The following SDR16C5 variants were observed in gnomAD, a reference collection of about 807,000 sequenced individuals.
The protein encoded by SDR16C5 is short chain dehydrogenase/reductase family 16C member 5.
A neutral mutation model predicts 27.7 loss-of-function variants in SDR16C5; 20 were observed. The ratio of observed to expected loss-of-function variants is 0.72; its 90% CI spans 0.51 to 1.05. SDR16C5 has a LOEUF of 1.05. SDR16C5 is among the 50% of genes least tolerant of loss of function. The pLI is 0.00. For missense variants in SDR16C5, 374 were observed against 366.3 expected (o/e 1.02, Z -0.17); for synonymous variants, 139 against 132.3 (o/e 1.05, Z -0.35).
intron 4 of SDR16C5, among the ~76,000 whole-genome samples, chr8:56,308,385 G>T (rs973569885): frequency 6.6e-6 from 1 of 152,194 alleles, no homozygotes; most frequent in Non-Finnish European, 1.5e-5. Context: ...GGGTCTTGAA[G>T]GATCTCTTTG....
At chr8:56,304,003 T>C in intron 6 of SDR16C5, 1 of 703,012 alleles carries the variant, frequency 1.4e-6, no homozygotes, top group East Asian at 2.7e-5. Context: ...AGCCTGAATT[T>C]CGAATTGCTT....
chr8:56,305,627 T>G lies in SDR16C5; in HGVS notation c.806A>C (p.Lys269Thr), dbSNP rs1327951738. The G allele has an allele frequency of 1.3e-6, 2 of 1,594,106 alleles. No individual in the cohort carries two copies. Among genetic ancestry groups the G allele is most frequent in the African/African-American group, 2.7e-5 (2 of 73,836 alleles). The change falls in exon 6 of 7, where the codon AAG (lysine) becomes ACG (threonine). Residue 269 changes from lysine to threonine, a missense_variant. Lys to Thr is a moderately conservative substitution (Grantham distance 78). Coordinates refer to ENST00000303749, the MANE Select transcript of SDR16C5 (RefSeq NM_138969.4). ...AAGAAACATCATGAAGTATAACAAC[T>G]TTGGCATATACAAGTACATTTTTTC... Reference protein sequence around the residue: ...LQEKMYLYMPKLLYFMMFLKS... With the variant: ...LQEKMYLYMPTLLYFMMFLKS...
chr8:56,315,820 A>G (rs1433224391), intron 2 of SDR16C5, among the ~76,000 whole-genome samples, 195 bp downstream of exon 2: 1 of 152,166 alleles, frequency 6.6e-6, no homozygotes, highest in Non-Finnish European at 1.5e-5. Context: ...TTTACTTTAT[A>G]AGGTTATAAT....
intron 6 of SDR16C5, among the ~76,000 whole-genome samples, chr8:56,302,936 C>CA (rs1338312935): frequency 6.6e-6 from 1 of 151,348 alleles, no homozygotes; most frequent in Non-Finnish European, 1.5e-5. Flanking sequence ...GGGCTATGAT[C>CA]AAGCCACTGC....
rs1242643601 is a variant in SDR16C5, at chr8:56,307,116, C to A, written c.566-296G>T. Among the ~76,000 whole-genome samples the A allele has an allele frequency of 2.0e-5, 3 of 152,232 alleles. No homozygotes were observed. The East Asian group carries it at 5.8e-4, about 29-fold the overall frequency. On this transcript the variant is annotated intron_variant, in intron 4 of 6. Transcript: ENST00000303749. ...ACTTACAAGTAAATGCATTGTGAGC[C>A]CCTGTGCTAGTTCTTACATGGTGCC...
intron 4 of SDR16C5, among the ~76,000 whole-genome samples, chr8:56,308,569 C>T (rs1371102228): frequency 6.6e-6 from 1 of 152,216 alleles, no homozygotes; most frequent in Admixed American, 6.5e-5. Flanking sequence ...TTAAAGGAAA[C>T]TTCAGGAGAA....
Position 56,316,244 on chromosome 8 carries a change from C to T in SDR16C5, c.104G>A (p.Arg35Gln), listed in dbSNP as rs772872361. The change falls in exon 2 of 7, where the codon CGG becomes CAG. Residue 35 changes from arginine to glutamine, a missense_variant. Arg to Gln is a conservative substitution (Grantham distance 43). Transcript: ENST00000303749. ...AMIFALLPKP[R>Q]KNVAGEIVLI... ...GACTATTTCACCAGCAACGTTCTTC[C>T]GTGGCTTTGGGAGTAAGGCAAAAAT... 2.5e-5 allele frequency: 40 copies of T among 1,614,018 alleles called. No individual in the cohort carries two copies. The highest frequency in any genetic ancestry group is 1.7e-4 in the Middle Eastern group (1 of 6,060).
At chr8:56,317,664 G>A (rs1264749667) in intron 1 of SDR16C5, among the ~76,000 whole-genome samples, 1 of 152,246 alleles carries the variant, frequency 6.6e-6, no homozygotes, top group East Asian at 1.9e-4. Flanking sequence ...TCATCTACAG[G>A]AGGACTTGGT....
rs199932397 is a variant in SDR16C5 at position 56,312,243 on chromosome 8, C to T, written c.379G>A (p.Gly127Arg). ...GDVSILINNA[G>R]IVTGKKFLDC... ...AGGAACTTTTTGCCTGTTACGATTC[C>T]GGCATTGTTGATTAGGATGGAAACA... Residue 127 changes from glycine (G) to arginine (R), a missense_variant, in exon 3 of 7, where the codon GGA (glycine) becomes AGA (arginine). Coordinates refer to ENST00000303749, the MANE Select transcript of SDR16C5 (RefSeq NM_138969.4). The T allele has an allele frequency of 4.8e-4, 769 of 1,613,098 alleles. No homozygotes were observed. Among genetic ancestry groups the T allele is most frequent in the Non-Finnish European group, 5.9e-4 (697 of 1,179,198 alleles).
chr8:56,318,882 G>C (rs531844139), intron 1 of SDR16C5, among the ~76,000 whole-genome samples: 10 of 152,052 alleles, frequency 6.6e-5, no homozygotes, highest in Admixed American at 6.6e-4. Flanking sequence ...CAGGCAATGA[G>C]GTCTAGAGAT....
At chr8:56,319,672 G>A (rs1039369722) in intron 1 of SDR16C5, among the ~76,000 whole-genome samples, 11 of 152,292 alleles carry the variant, frequency 7.2e-5, no homozygotes, top group Admixed American at 1.3e-4. Context: ...GGGGTGATAT[G>A]GGGGTTGATA....
intron 2 of SDR16C5, among the ~76,000 whole-genome samples, chr8:56,313,293 C>T: frequency 6.6e-6 from 1 of 152,194 alleles, no homozygotes; most frequent in Non-Finnish European, 1.5e-5. Context: ...CAAGACCTCA[C>T]ACACGGAGAA....
intron 6 of SDR16C5, chr8:56,304,131 A>G: frequency 1.4e-6 from 1 of 695,772 alleles, no homozygotes; most frequent in Non-Finnish European, 2.6e-6. Context: ...TCATTGCACA[A>G]AGTAGATATA....
intron 5 of SDR16C5, 96 bp downstream of exon 5, chr8:56,306,580 A>G (rs2129257838): frequency 8.8e-7 from 1 of 1,130,832 alleles, no homozygotes; most frequent in East Asian, 2.6e-5. Context: ...TGAATCCCAG[A>G]ACAATATATT....
At chr8:56,305,839 T>A (rs930522451) in intron 5 of SDR16C5, 117 bp from the exon 6 acceptor site, 4 of 1,032,454 alleles carry the variant, frequency 3.9e-6, no homozygotes, top group Non-Finnish European at 1.4e-6. Context: ...TTTCTTTGCT[T>A]TTCAATTTCA....
chr8:56,313,402 T>C (rs1251158756), intron 2 of SDR16C5, among the ~76,000 whole-genome samples: 1 of 152,222 alleles, frequency 6.6e-6, no homozygotes, highest in Non-Finnish European at 1.5e-5. Flanking sequence ...TTAGGTGACT[T>C]GGTTGCTATG....
rs778051439 is a variant in SDR16C5 at position 56,316,191 on chromosome 8, C to T, written c.157G>A (p.Gly53Arg). Residue 53 changes from glycine (G) to arginine (R), a missense_variant, in exon 2 of 7, where the codon GGA becomes AGA. By Grantham distance (125) the Gly-to-Arg change is moderately radical. Coordinates refer to ENST00000303749, the MANE Select transcript of SDR16C5 (RefSeq NM_138969.4). ...VLITGAGSGL[G>R]RLLALQFARL... ...GCAAACTGCAAGGCTAAGAGCCTTC[C>T]GAGTCCACTTCCAGCACCTGTGATG... 19 of 1,614,040 alleles carry T rather than the reference C, an allele frequency of 1.2e-5. No homozygotes were observed. The highest frequency in any genetic ancestry group is 5.0e-5 in the Admixed American group (3 of 60,004).
chr8:56,308,393 T>C lies in SDR16C5; in HGVS notation c.565+535A>G, dbSNP rs145451693. The stretch of plus-strand genomic sequence containing the variant: ...TGGTTGAGGGTCTTGAAGGATCTCT[T>C]TGCCCTCTCCCCACTGCTACTGTCA... On this transcript the variant is annotated intron_variant, in intron 4 of 6. Coordinates refer to ENST00000303749, the MANE Select transcript of SDR16C5 (RefSeq NM_138969.4). Among the ~76,000 whole-genome samples, 334 of 152,294 alleles carry C rather than the reference T, an allele frequency of 2.2e-3. 2 individuals are homozygous for C. Among genetic ancestry groups the C allele is most frequent in the African/African-American group, 7.7e-3 (320 of 41,568 alleles).
intron 6 of SDR16C5, among the ~76,000 whole-genome samples, chr8:56,302,412 C>T (rs575680100): frequency 6.6e-5 from 10 of 152,268 alleles, no homozygotes; most frequent in Middle Eastern, 6.8e-3. Flanking sequence ...CAGTGGCTCA[C>T]GCCTGTAATC....
Sources: gnomAD v4.1 joint callset for allele counts (sites outside exome capture counted in the v4.1 genomes callset) on GRCh38, gnomAD v4.1.1 for gene constraint, MANE v1.5 for transcripts, NCBI Gene and HGNC (gene_info 2026-07-23, HGNC 2026-07-21) for gene names.